GFAP: variants seen among roughly 807,000 people sequenced by gnomAD.
GFAP encodes the protein glial fibrillary acidic protein.
A neutral mutation model predicts 49.3 loss-of-function variants in GFAP; 38 were observed. The observed-to-expected ratio is 0.77, with a 90% CI of 0.60 to 1.01. The LOEUF (loss-of-function observed/expected upper bound fraction) is 1.01. Among genes scored for constraint, GFAP ranks in the 50% least tolerant of loss-of-function variants. The probability of loss-of-function intolerance (pLI) is 0.00; values close to 1 mark genes in which losing one functional copy is unlikely to be tolerated. For missense variants in GFAP, 463 were observed against 579.1 expected, an observed-to-expected ratio of 0.80 and a Z score of 2.06; for synonymous variants, 222 against 236.4, an observed-to-expected ratio of 0.94 and a Z score of 0.56.
rs1420094075 is a variant in GFAP at position 44,911,411 on chromosome 17, C to T, written c.952G>A (p.Val318Met). The T allele has an allele frequency of 6.2e-7, 1 of 1,612,776 alleles. No individual in the cohort carries two copies. Among genetic ancestry groups the T allele is most frequent in the Non-Finnish European group, 8.5e-7 (1 of 1,179,530 alleles). The change falls in exon 6 of 9, where the codon GTG becomes ATG. Residue 318 changes from valine (V) to methionine (M), a missense_variant. Val to Met is a conservative substitution (Grantham distance 21, BLOSUM62 1). Around this residue, in one of 3 missense-constraint regions of GFAP, gnomAD observed 362 missense variants for 445.5 expected, o/e 0.81. Coordinates refer to ENST00000588735, the MANE Select transcript of GFAP (RefSeq NM_002055.5). ...TCCTGATAACTGGCCGCCTCCCGCA[C>T]GTGCCGCTCCTCCTGCTCGCGCATC... The part of the protein sequence containing the change: ...RQMREQEERH[V>M]REAASYQEAL...
chr17:44,909,939 C>G, intron 7 of GFAP: 1 of 1,432,334 alleles, frequency 7.0e-7, no homozygotes, highest in East Asian at 2.5e-5. Context: ...TTACCACTAA[C>G]AAGCTCTGCC....
At chr17:44,914,007 C>T (rs530706383) in intron 2 of GFAP, 21 bp downstream of exon 2, 20 of 1,527,922 alleles carry the variant, frequency 1.3e-5, no homozygotes, top group African/African-American at 4.1e-5. Flanking sequence ...CTCCCCTGCC[C>T]CTCCCCTCCA....
rs189431682 is a variant in GFAP, at chr17:44,910,015, G to A, written c.1171+600C>T. 3.0e-4 allele frequency: 463 copies of A among 1,557,700 alleles called. 2 individuals carry two copies. The East Asian group carries it at 5.5e-3, about 18-fold the overall frequency. On this transcript the variant is annotated intron_variant, in intron 7 of 8. Coordinates refer to ENST00000588735, the MANE Select transcript of GFAP (RefSeq NM_002055.5). ...GCACTGCAGTTCCTGGGAAAATGAC[G>A]CAGTCCAGGCCCTTTAGGGGAAGCC...
In GFAP at chr17:44,911,235, C is replaced by T; in HGVS notation, c.1127+1G>A. The T allele has an allele frequency of 6.2e-7, 1 of 1,613,388 alleles. No individual in the cohort carries two copies. The highest frequency in any genetic ancestry group is 8.5e-7 in the Non-Finnish European group (1 of 1,179,540). On this transcript the variant is annotated splice_donor_variant, in intron 6 of 8. Transcript: ENST00000588735. LOFTEE classifies it high-confidence loss of function. Reference sequence around the variant, plus strand: ...CCCCAGGGGCTGTGATGAGGGCTCACCGGTTCTCCTCGCCCTCTAGCAGCT... The same window carrying T: ...CCCCAGGGGCTGTGATGAGGGCTCATCGGTTCTCCTCGCCCTCTAGCAGCT...
chr17:44,904,861 T>C lies in GFAP; in HGVS notation c.*2486A>G. ...AGCTGGATGACCGGGGCATCTACTA[T>C]TGCTGGAGGCAGGGTGTGCTAGTTG... On this transcript the variant is annotated 3_prime_UTR_variant, in exon 9 of 9. Coordinates refer to ENST00000588735, the MANE Select transcript of GFAP (RefSeq NM_002055.5). The C allele has an allele frequency of 6.4e-7, 1 of 1,550,640 alleles. No individual in the cohort carries two copies. Among genetic ancestry groups the C allele is most frequent in the South Asian group, 1.2e-5 (1 of 84,058 alleles).
chr17:44,912,118 T>TTTG (rs568489986), intron 4 of GFAP, among the ~76,000 whole-genome samples: 1,860 of 150,916 alleles, frequency 0.012, 43 homozygotes, highest in African/African-American at 0.043. Context: ...GTTTTTGTTT[T>TTTG]TTTGTTTTTT....
Position 44,911,745 on chromosome 17 carries a change from G to T in GFAP, c.833C>A (p.Ala278Asp). ...AARNAELLRQ[A>D]KHEANDYRRQ... The stretch of plus-strand genomic sequence containing the variant: ...CCGGTAGTCGTTGGCTTCGTGCTTG[G>T]CCTGGCGGAGCAGCTCCGCGTTGCG... The change falls in exon 5 of 9, where the codon GCC becomes GAC. Residue 278 changes from alanine to aspartate, a missense_variant. Coordinates refer to ENST00000588735, the MANE Select transcript of GFAP (RefSeq NM_002055.5). The T allele has an allele frequency of 6.2e-7, 1 of 1,613,978 alleles. No homozygotes were observed. Among genetic ancestry groups the T allele is most frequent in the Non-Finnish European group, 8.5e-7 (1 of 1,180,002 alleles).
Position 44,905,280 on chromosome 17 carries a change from C to A in GFAP, c.*2067G>T. On this transcript the variant is annotated 3_prime_UTR_variant, in exon 9 of 9. Transcript: ENST00000588735. ...GGCTGGTGGGAGATTGGGGACTGAG[C>A]TCAGGATGGAAGTAGGGCACATGTG... is the stretch of plus-strand genomic sequence containing the variant. The A allele has an allele frequency of 1.7e-6, 1 of 584,008 alleles. No individual in the cohort carries two copies. The highest frequency in any genetic ancestry group is 3.1e-6 in the Non-Finnish European group (1 of 321,152). 36.2% of individuals were successfully genotyped at this position (584,008 alleles called of 1,614,324 possible). A position where few individuals can be genotyped will look rare whatever the true frequency, so the allele number is the denominator to read the frequency against.
Position 44,904,561 on chromosome 17 carries a change from G to A in GFAP, c.*2786C>T. ...TTCGGAGCTGCTTAGTACCCTGTGA[G>A]AAGACAAAGACCATCCGGGAGGGCG... On this transcript the variant is annotated 3_prime_UTR_variant, in exon 9 of 9. Coordinates refer to ENST00000588735, the MANE Select transcript of GFAP (RefSeq NM_002055.5). 6.4e-7 allele frequency: 1 copy of A among 1,550,604 alleles called. No individual in the cohort carries two copies. The highest frequency in any genetic ancestry group is 8.7e-7 in the Non-Finnish European group (1 of 1,146,986).
At position 44,911,405 on chromosome 17, in the gene GFAP, C is replaced by G. The variant is rs527418824; in HGVS notation, c.958G>C (p.Glu320Gln). ...AGCGCCTCCTGATAACTGGCCGCCT[C>G]CCGCACGTGCCGCTCCTCCTGCTCG... is the stretch of plus-strand genomic sequence containing the variant. ...MREQEERHVR[E>Q]AASYQEALAR... The change falls in exon 6 of 9, where the codon GAG (glutamate) becomes CAG (glutamine). Residue 320 changes from glutamate (E) to glutamine (Q), a missense_variant. Physicochemically the swap from Glu to Gln is conservative, Grantham distance 29 (BLOSUM62 2). Coordinates refer to ENST00000588735, the MANE Select transcript of GFAP (RefSeq NM_002055.5). The G allele has an allele frequency of 6.2e-7, 1 of 1,613,278 alleles. No individual in the cohort carries two copies. The highest frequency in any genetic ancestry group is 1.1e-5 in the South Asian group (1 of 91,044).
rs1166759003 is a variant in GFAP, at chr17:44,914,129, A to G, written c.462-41T>C. 5 of 1,429,682 alleles carry G rather than the reference A, an allele frequency of 3.5e-6. No homozygotes were observed. The Admixed American group carries it at 9.8e-5, about 28-fold the overall frequency. The allele number at this position is 1,429,682 out of a possible 1,614,324, so 88.6% of individuals were successfully genotyped here. A position where few individuals can be genotyped will look rare whatever the true frequency, so the allele number is the denominator to read the frequency against. On this transcript the variant is annotated intron_variant, in intron 1 of 8. Transcript: ENST00000588735. ...ACATTCCTGGGTCCAGGCTCTTCTGAGGACACTTGAATACCTGCCTCAGTC... is the reference window on the plus strand; with the variant it reads ...ACATTCCTGGGTCCAGGCTCTTCTGGGGACACTTGAATACCTGCCTCAGTC...
At chr17:44,911,198 G>T in intron 6 of GFAP, 38 bp downstream of exon 6, 1 of 1,560,762 alleles carries the variant, frequency 6.4e-7, no homozygotes, top group Non-Finnish European at 8.8e-7. Flanking sequence ...CCGTGAGGCA[G>T]CAGGGAGACT....
At chr17:44,912,709 A>T (rs536018854) in intron 4 of GFAP, 1 of 174,052 alleles carries the variant, frequency 5.7e-6, no homozygotes, top group East Asian at 1.5e-4. Context: ...CTCCCACACT[A>T]CATATAAGCT....
chr17:44,913,991 TCCTC>T, intron 2 of GFAP, 33 bp downstream of exon 2: 1 of 1,454,248 alleles, frequency 6.9e-7, no homozygotes, highest in Non-Finnish European at 9.5e-7. Context: ...ATCAATCCTT[TCCTC>T]CCTCCCCTGC....
intron 7 of GFAP, chr17:44,910,395 G>A (rs2051732369): frequency 1.2e-6 from 2 of 1,604,478 alleles, no homozygotes; most frequent in Non-Finnish European, 1.7e-6. Context: ...GGGAGGGGAA[G>A]AGGGACCAGG....
chr17:44,910,221 G>T (rs771789261), intron 7 of GFAP: 1 of 1,613,970 alleles, frequency 6.2e-7, no homozygotes, highest in South Asian at 1.1e-5. Flanking sequence ...GAGATATCTT[G>T]TGACCTTGTG....
intron 7 of GFAP, chr17:44,909,993 C>T: frequency 6.5e-7 from 1 of 1,531,452 alleles, no homozygotes; most frequent in Non-Finnish European, 8.7e-7. Context: ...GGGCTGGGCA[C>T]TGCAGTTCCT....
intron 4 of GFAP, 111 bp downstream of exon 4, chr17:44,913,158 T>C: frequency 9.3e-7 from 1 of 1,076,856 alleles, no homozygotes; most frequent in Non-Finnish European, 1.4e-6. Flanking sequence ...TGAAAGTCAG[T>C]CACCTGGAGA....
At position 44,905,361 on chromosome 17, in the gene GFAP, G is replaced by A. The variant is rs12222; in HGVS notation, c.*1986C>T. ...GAAAGTGTGAACTCAGATTTATCCAGTGGTAAACACTGATCAGTGTTGAAT... is the reference window on the plus strand; with the variant it reads ...GAAAGTGTGAACTCAGATTTATCCAATGGTAAACACTGATCAGTGTTGAAT... On this transcript the variant is annotated 3_prime_UTR_variant, in exon 9 of 9. Transcript: ENST00000588735. 0.26 allele frequency: 109,919 copies of A among 417,234 alleles called. 15,055 individuals carry two copies. The highest frequency in any genetic ancestry group is 0.28 in the Middle Eastern group (412 of 1,448). 25.8% of individuals were successfully genotyped at this position (417,234 alleles called of 1,614,324 possible).
Sources: allele counts gnomAD v4.1 joint callset (sites outside exome capture counted in the v4.1 genomes callset), GRCh38; gene constraint gnomAD v4.1.1; regional missense constraint gnomAD v4.1.1; transcripts MANE v1.5; gene names NCBI Gene and HGNC (gene_info 2026-07-23, HGNC 2026-07-21).